FAM78B: variants seen among roughly 807,000 people sequenced by gnomAD.
FAM78B encodes protein FAM78B.
In FAM78B, 10 loss-of-function variants were observed where a neutral mutation model predicts 20.0. The observed-to-expected ratio is 0.50, with a 90% CI of 0.31 to 0.85. FAM78B has a LOEUF of 0.85. FAM78B is among the 40% of genes least tolerant of loss of function. The pLI, the probability that FAM78B is intolerant of heterozygous loss-of-function variation, is 0.05. For missense variants in FAM78B, 283 were observed against 345.0 expected (o/e 0.82, Z 1.42); for synonymous variants, 135 against 132.8 (o/e 1.02, Z -0.12).
chr1:166,058,499 T>TTGTGTGTGTGTGTG (rs67247909), exon 3 of FAM78B: 2 of 145,950 alleles, frequency 1.4e-5, no homozygotes, highest in African/African-American at 5.0e-5. Flanking sequence ...TCCCTAGGCT[T>TTGTGTGTGTGTGTG]TGTGTGTGTG....
At chr1:166,062,337 A>T (rs879880666) in intron 2 of FAM78B, among the ~76,000 whole-genome samples, 1 of 152,228 alleles carries the variant, frequency 6.6e-6, no homozygotes, top group Non-Finnish European at 1.5e-5. Context: ...AGGCTTGGAA[A>T]GATCTAATTC....
chr1:166,145,905 T>G (rs1557916728), intron 1 of FAM78B, among the ~76,000 whole-genome samples: 1 of 152,206 alleles, frequency 6.6e-6, no homozygotes, highest in Non-Finnish European at 1.5e-5. Flanking sequence ...ATAAATATAT[T>G]AAGGGGTAAG....
At chr1:166,132,677 T>C (rs922922050) in intron 1 of FAM78B, among the ~76,000 whole-genome samples, 3 of 152,164 alleles carry the variant, frequency 2.0e-5, no homozygotes, top group African/African-American at 7.2e-5. Flanking sequence ...AGACAAAAAT[T>C]TTCATGTTAG....
At chr1:166,127,847 A>G (rs1007410447) in intron 1 of FAM78B, among the ~76,000 whole-genome samples, 13 of 152,224 alleles carry the variant, frequency 8.5e-5, no homozygotes, top group African/African-American at 3.1e-4. Flanking sequence ...GGATGGTACC[A>G]AGATCACACC....
chr1:166,148,655 C>G (rs1397280209), intron 1 of FAM78B, among the ~76,000 whole-genome samples: 1 of 152,228 alleles, frequency 6.6e-6, no homozygotes, highest in Non-Finnish European at 1.5e-5. Flanking sequence ...GCAGCTCAGA[C>G]TTCTAATGGG....
At chr1:166,133,987 T>C (rs1160437660) in intron 1 of FAM78B, among the ~76,000 whole-genome samples, 1 of 152,008 alleles carries the variant, frequency 6.6e-6, no homozygotes, top group Admixed American at 6.6e-5. Flanking sequence ...AGACTGAGAG[T>C]CAGTGAGTGA....
chr1:166,137,719 CTAT>C (rs1192724198), intron 1 of FAM78B, among the ~76,000 whole-genome samples: 5 of 152,150 alleles, frequency 3.3e-5, no homozygotes, highest in Admixed American at 6.5e-5. Context: ...TGCTGTTGTA[CTAT>C]GATGTTATTA....
intron 1 of FAM78B, 121 bp downstream of exon 1, chr1:166,165,865 G>T: frequency 8.5e-7 from 1 of 1,177,704 alleles, no homozygotes; most frequent in Non-Finnish European, 1.2e-6. Flanking sequence ...AGAGGAGGCG[G>T]GAGGAAGGTT....
intron 1 of FAM78B, among the ~76,000 whole-genome samples, chr1:166,072,962 G>C (rs1652107577): frequency 6.6e-6 from 1 of 152,190 alleles, no homozygotes; most frequent in African/African-American, 2.4e-5. Context: ...TGTGTGAGCA[G>C]AGACTTGGGC....
chr1:166,077,511 G>A lies in FAM78B; in HGVS notation c.264-6748C>T, dbSNP rs150233048. On this transcript the variant is annotated intron_variant, in intron 1 of 1. Coordinates refer to ENST00000354422, the MANE Select transcript of FAM78B (RefSeq NM_001017961.5). ...AGAACTATTACAGAAATCAAATGAAGTGATGATGTAGGAGCAAATGCTTTG... is the reference window on the plus strand; with the variant it reads ...AGAACTATTACAGAAATCAAATGAAATGATGATGTAGGAGCAAATGCTTTG... Among the ~76,000 whole-genome samples, 268 of 150,322 alleles carry A rather than the reference G, an allele frequency of 1.8e-3. No individual in the cohort carries two copies. The South Asian group carries it at 0.02, about 11-fold the overall frequency.
intron 1 of FAM78B, among the ~76,000 whole-genome samples, chr1:166,150,244 C>G (rs1655626018): frequency 6.6e-6 from 1 of 152,144 alleles, no homozygotes; most frequent in Non-Finnish European, 1.5e-5. Context: ...AGACCCAAAC[C>G]CTCCCAGTGC....
intron 1 of FAM78B, among the ~76,000 whole-genome samples, chr1:166,098,312 A>T (rs527799057): frequency 6.6e-6 from 1 of 152,290 alleles, no homozygotes; most frequent in East Asian, 1.9e-4. Flanking sequence ...AATATGATAA[A>T]AAAAGGCTCT....
downstream of FAM78B, among the ~76,000 whole-genome samples, chr1:166,065,879 T>G (rs2101704589): frequency 6.6e-6 from 1 of 152,294 alleles, no homozygotes; most frequent in Non-Finnish European, 1.5e-5. Flanking sequence ...ATTCATTGGG[T>G]TTTTGATTAA....
rs1462476718 is a variant in FAM78B at position 166,150,138 on chromosome 1, C to T, written c.263+15848G>A. On this transcript the variant is annotated intron_variant, in intron 1 of 1. Transcript: ENST00000354422. ...TTTGTGATGTCTGAGGAATGCATCTCAGAGAAACTGGGTCTGCTGAGGCAG... is the reference window on the plus strand; with the variant it reads ...TTTGTGATGTCTGAGGAATGCATCTTAGAGAAACTGGGTCTGCTGAGGCAG... Among the ~76,000 whole-genome samples, 3 of 152,116 alleles carry T rather than the reference C, an allele frequency of 2.0e-5. No homozygotes were observed. In the East Asian group the frequency reaches 5.8e-4, roughly 29 times the overall value.
Position 166,166,302 on chromosome 1 carries a change from G to T in FAM78B, c.-54C>A. On this transcript the variant is annotated 5_prime_UTR_variant, in exon 1 of 2. Coordinates refer to ENST00000354422, the MANE Select transcript of FAM78B (RefSeq NM_001017961.5). The stretch of plus-strand genomic sequence containing the variant: ...CGTGGGGCAGCGCGGGGGCCCGCGC[G>T]GGCAGCCGGGGGCGCCCGTCACGCC... The T allele has an allele frequency of 5.2e-6, 6 of 1,158,282 alleles. No individual in the cohort carries two copies. The highest frequency in any genetic ancestry group is 6.4e-6 in the Non-Finnish European group (6 of 940,746). 71.8% of individuals were successfully genotyped at this position (1,158,282 alleles called of 1,614,324 possible). A position where few individuals can be genotyped will look rare whatever the true frequency, so the allele number is the denominator to read the frequency against.
At chr1:166,057,205 C>T (rs115702757), downstream of FAM78B, among the ~76,000 whole-genome samples, 201 of 152,328 alleles carry the variant, frequency 1.3e-3, 1 homozygote, top group African/African-American at 4.4e-3. Flanking sequence ...TCCCTTTCTT[C>T]CCCTTACAGT....
chr1:166,071,851 T>G (rs1652044211), intron 1 of FAM78B, among the ~76,000 whole-genome samples: 2 of 151,742 alleles, frequency 1.3e-5, no homozygotes, highest in South Asian at 2.1e-4. Flanking sequence ...CTGGAGGGAG[T>G]TAGAATGGAG....
intron 1 of FAM78B, among the ~76,000 whole-genome samples, chr1:166,160,709 T>C (rs977057702): frequency 6.6e-6 from 1 of 152,196 alleles, no homozygotes; most frequent in African/African-American, 2.4e-5. Flanking sequence ...GTCAGAAAAA[T>C]AGTTTATTCG....
intron 1 of FAM78B, among the ~76,000 whole-genome samples, chr1:166,132,840 C>T (rs977025899): frequency 2.6e-5 from 4 of 152,180 alleles, no homozygotes; most frequent in Non-Finnish European, 4.4e-5. Context: ...ACTTGAGTTA[C>T]AGTACCAGCT....
Sources: gnomAD v4.1 joint callset for allele counts (sites outside exome capture counted in the v4.1 genomes callset) on GRCh38, gnomAD v4.1.1 for gene constraint, MANE v1.5 for transcripts, NCBI Gene and HGNC (gene_info 2026-07-23, HGNC 2026-07-21) for gene names.